The following IL1RAPL1 variants were observed in gnomAD, a reference collection of about 807,000 sequenced individuals.
IL1RAPL1 encodes interleukin 1 receptor accessory protein like 1, also known as interleukin-1 receptor accessory protein-like 1.
In IL1RAPL1, 3 loss-of-function variants were observed where a neutral mutation model predicts 48.4. The observed-to-expected ratio is 0.06, with a 90% confidence interval of 0.03 to 0.16. The LOEUF (loss-of-function observed/expected upper bound fraction) is 0.16, where lower values mean the gene tolerates loss of function less well. Ranked by LOEUF, IL1RAPL1 falls within the 10% of genes least tolerant of loss-of-function variation. The probability of loss-of-function intolerance (pLI) is 1.00; values close to 1 mark genes in which losing one functional copy is unlikely to be tolerated. For synonymous variants in IL1RAPL1, 185 were observed against 187.7 expected, an observed-to-expected ratio of 0.99 and a Z score of 0.12; for missense variants, 349 against 530.6, an observed-to-expected ratio of 0.66 and a Z score of 3.36.
intron 1 of IL1RAPL1, among the ~76,000 whole-genome samples, chrX:28,725,100 C>T (rs867727463): frequency 6.5e-4 from 34 of 52,292 alleles, no homozygotes; most frequent in South Asian, 4.0e-3. Flanking sequence ...TATAGGCGCC[C>T]GCACCACGCC....
intron 2 of IL1RAPL1, among the ~76,000 whole-genome samples, chrX:29,052,579 C>A (rs1224801461): frequency 9.1e-6 from 1 of 109,586 alleles, no homozygotes; most frequent in African/African-American, 3.3e-5. Flanking sequence ...CCCCCACCCA[C>A]CTCAGCCTCT....
intron 6 of IL1RAPL1, among the ~76,000 whole-genome samples, chrX:29,720,109 G>T (rs1206100920): frequency 8.9e-6 from 1 of 111,933 alleles, no homozygotes; most frequent in Non-Finnish European, 1.9e-5. Context: ...AACAACAGAT[G>T]CTGGAGAGGA....
chrX:29,564,772 T>C (rs1177249664), intron 5 of IL1RAPL1, among the ~76,000 whole-genome samples: 3 of 113,023 alleles, frequency 2.7e-5, no homozygotes, highest in Non-Finnish European at 5.6e-5. Context: ...TAATTTCCTA[T>C]TGTTGTTGTT....
chrX:29,597,447 C>T lies in IL1RAPL1; in HGVS notation c.704-70983C>T, dbSNP rs1385511479. Among the ~76,000 whole-genome samples, 3 of 107,636 alleles carry T rather than the reference C, an allele frequency of 2.8e-5. No homozygotes were observed. The Admixed American group carries it at 2.9e-4, about 10-fold the overall frequency. The allele number at this position is 107,636 out of a possible 115,157, so 93.5% of individuals were successfully genotyped here. A position where few individuals can be genotyped will look rare whatever the true frequency, so the allele number is the denominator to read the frequency against. On this transcript the variant is annotated intron_variant, in intron 5 of 10. Coordinates refer to ENST00000378993, the MANE Select transcript of IL1RAPL1 (RefSeq NM_014271.4). ...GGATTACAGGCATGAGCCACCACGC[C>T]CGGCCTTGTTGAGGATTTTTGCATC...
chrX:29,273,277 T>C (rs1932070530), intron 2 of IL1RAPL1, among the ~76,000 whole-genome samples: 1 of 111,771 alleles, frequency 8.9e-6, no homozygotes, highest in African/African-American at 3.3e-5. Flanking sequence ...GTTCCTTCAG[T>C]CTTTGAAGTT....
chrX:28,994,537 A>G (rs754202893), intron 2 of IL1RAPL1, among the ~76,000 whole-genome samples: 3 of 111,568 alleles, frequency 2.7e-5, no homozygotes, highest in Non-Finnish European at 5.6e-5. Flanking sequence ...GGTAGGATCT[A>G]AGAGATCATA....
intron 1 of IL1RAPL1, among the ~76,000 whole-genome samples, chrX:28,633,085 C>T (rs936271050): frequency 1.8e-5 from 2 of 110,184 alleles, no homozygotes; most frequent in African/African-American, 3.3e-5. Context: ...GACGGGTTTT[C>T]GCCATGTTGG....
intron 2 of IL1RAPL1, among the ~76,000 whole-genome samples, chrX:28,873,970 TAAA>T (rs59999767): frequency 1.4e-4 from 11 of 76,872 alleles, no homozygotes; most frequent in Admixed American, 1.5e-4. Flanking sequence ...GCTTCTCCAG[TAAA>T]AAAAAAAAAA....
At chrX:29,017,260 A>C (rs761108268) in intron 2 of IL1RAPL1, among the ~76,000 whole-genome samples, 1 of 112,466 alleles carries the variant, frequency 8.9e-6, no homozygotes, top group African/African-American at 3.2e-5. Context: ...GTGTTGCCTC[A>C]ATGAATTAAC....
Position 28,931,246 on chromosome X carries a change from C to T in IL1RAPL1, c.82+141821C>T, listed in dbSNP as rs1923874387. Among the ~76,000 whole-genome samples the T allele has an allele frequency of 3.6e-5, 4 of 111,541 alleles. No individual in the cohort carries two copies. The South Asian group carries it at 1.1e-3, about 31-fold the overall frequency. On this transcript the variant is annotated intron_variant, in intron 2 of 10. Transcript: ENST00000378993. ...CTTTCCTCCTGTCACCATGATTGAT[C>T]CCTATTTTGTTGGAAAGTGAAAATT...
chrX:29,306,172 C>T (rs1273586742), intron 3 of IL1RAPL1, among the ~76,000 whole-genome samples: 1 of 112,072 alleles, frequency 8.9e-6, no homozygotes, highest in East Asian at 2.8e-4. Context: ...CTCATTAATT[C>T]TCACATGTTT....
At chrX:28,770,363 C>A (rs186146298) in intron 1 of IL1RAPL1, among the ~76,000 whole-genome samples, 1 of 111,182 alleles carries the variant, frequency 9.0e-6, no homozygotes, top group African/African-American at 3.3e-5. Flanking sequence ...AACCCTCAAG[C>A]TCAAGCTTCA....
intron 5 of IL1RAPL1, among the ~76,000 whole-genome samples, chrX:29,584,575 T>A (rs1226328490): frequency 3.6e-5 from 4 of 111,231 alleles, no homozygotes; most frequent in African/African-American, 9.8e-5. Context: ...ATTCTCAGTC[T>A]TCATCTTACT....
At chrX:29,377,148 T>C (rs111987517) in intron 3 of IL1RAPL1, among the ~76,000 whole-genome samples, 3,950 of 112,290 alleles carry the variant, frequency 0.035, 162 homozygotes, top group African/African-American at 0.12. Flanking sequence ...TGGTTTAAAA[T>C]CTGTTTTATC....
At chrX:29,040,653 TAAATA>T (rs989970834) in intron 2 of IL1RAPL1, among the ~76,000 whole-genome samples, 9 of 112,216 alleles carry the variant, frequency 8.0e-5, no homozygotes, top group Non-Finnish European at 1.7e-4. Context: ...AGGAAAAAAA[TAAATA>T]AAAAGAAACC....
At chrX:29,376,682 C>T (rs1205970469) in intron 3 of IL1RAPL1, among the ~76,000 whole-genome samples, 5 of 111,539 alleles carry the variant, frequency 4.5e-5, no homozygotes, top group Non-Finnish European at 9.4e-5. Context: ...TTATTTGTGT[C>T]GTTTTGAGAG....
chrX:29,656,914 G>A (rs932905139), intron 5 of IL1RAPL1, among the ~76,000 whole-genome samples: 1 of 111,170 alleles, frequency 9.0e-6, no homozygotes, highest in Non-Finnish European at 1.9e-5. Flanking sequence ...GAAGATGAAA[G>A]AGTAGGTTAC....
intron 2 of IL1RAPL1, among the ~76,000 whole-genome samples, chrX:28,942,911 C>T (rs1924200944): frequency 9.1e-6 from 1 of 110,175 alleles, no homozygotes; most frequent in Admixed American, 9.8e-5. Flanking sequence ...AATGAAAAAC[C>T]ATGTAATAAA....
At chrX:29,092,612 ATAC>A (rs769758505) in intron 2 of IL1RAPL1, among the ~76,000 whole-genome samples, 2 of 112,243 alleles carry the variant, frequency 1.8e-5, no homozygotes, top group East Asian at 5.6e-4. Context: ...ATTGATCATA[ATAC>A]TACTGTTTTA....
Sources: allele counts gnomAD v4.1 joint callset (sites outside exome capture counted in the v4.1 genomes callset), GRCh38; gene constraint gnomAD v4.1.1; transcripts MANE v1.5; gene names NCBI Gene and HGNC (gene_info 2026-07-23, HGNC 2026-07-21).